ASIC2: variants seen among roughly 807,000 people sequenced by gnomAD.
ASIC2 encodes acid sensing ion channel subunit 2, also known as acid-sensing ion channel 2.
Under a neutral mutation model 57.3 loss-of-function variants are expected in ASIC2, and 25 were observed. The ratio of observed to expected loss-of-function variants is 0.44; its 90% confidence interval spans 0.32 to 0.61. ASIC2 has a LOEUF of 0.61. Among genes scored for constraint, ASIC2 ranks in the 20% least tolerant of loss-of-function variants. ASIC2 has a pLI of 0.06. For missense variants in ASIC2, 641 were observed against 738.1 expected, an observed-to-expected ratio of 0.87 and a Z score of 1.52; for synonymous variants, 319 against 307.5, an observed-to-expected ratio of 1.04 and a Z score of -0.39.
chr17:33,537,189 G>A (rs777838426), intron 1 of ASIC2, among the ~76,000 whole-genome samples: 18 of 152,120 alleles, frequency 1.2e-4, no homozygotes, highest in African/African-American at 2.9e-4. Context: ...CTCACTCATC[G>A]GTCTGCAGCT....
At chr17:33,825,885 TA>T (rs1407691023) in intron 1 of ASIC2, among the ~76,000 whole-genome samples, 29 of 152,248 alleles carry the variant, frequency 1.9e-4, no homozygotes, top group Non-Finnish European at 4.0e-4. Context: ...AAATTTTAGT[TA>T]TTTTTTCTAC....
At chr17:34,073,118 T>C (rs546382101) in intron 1 of ASIC2, among the ~76,000 whole-genome samples, 7 of 152,286 alleles carry the variant, frequency 4.6e-5, no homozygotes, top group African/African-American at 1.2e-4. Context: ...TGATTTAAAA[T>C]AGGGGTCAGG....
chr17:34,091,809 G>A (rs1344263968), intron 1 of ASIC2, among the ~76,000 whole-genome samples: 1 of 152,182 alleles, frequency 6.6e-6, no homozygotes, highest in Non-Finnish European at 1.5e-5. Context: ...TAAAGAGTAT[G>A]TACAGGCTTT....
chr17:33,121,450 T>C (rs2092301781), intron 1 of ASIC2, among the ~76,000 whole-genome samples: 1 of 151,956 alleles, frequency 6.6e-6, no homozygotes, highest in South Asian at 2.1e-4. Flanking sequence ...TTTCGGGGCA[T>C]GGAGAAGTGT....
At chr17:33,019,164 G>C (rs1372888750) in intron 7 of ASIC2, among the ~76,000 whole-genome samples, 1 of 152,130 alleles carries the variant, frequency 6.6e-6, no homozygotes, top group Non-Finnish European at 1.5e-5. Flanking sequence ...TGAGTCTGTA[G>C]TGGTATAGTG....
intron 1 of ASIC2, among the ~76,000 whole-genome samples, chr17:34,124,725 GGCT>G (rs1911726310): frequency 2.0e-5 from 3 of 152,256 alleles, no homozygotes; most frequent in Non-Finnish European, 2.9e-5. Context: ...GTTTATACGT[GGCT>G]GCTTTCTTGT....
At chr17:33,106,039 A>G (rs574288017) in intron 2 of ASIC2, among the ~76,000 whole-genome samples, 4 of 152,312 alleles carry the variant, frequency 2.6e-5, no homozygotes, top group African/African-American at 9.6e-5. Flanking sequence ...TGAGAAGGTA[A>G]TATCTGAGTG....
At chr17:34,107,774 T>A (rs1437230882) in intron 1 of ASIC2, among the ~76,000 whole-genome samples, 1 of 152,182 alleles carries the variant, frequency 6.6e-6, no homozygotes, top group Non-Finnish European at 1.5e-5. Flanking sequence ...TATAATTAGG[T>A]TCATTTGTCA....
intron 1 of ASIC2, among the ~76,000 whole-genome samples, chr17:33,501,452 C>T (rs1914098301): frequency 6.6e-6 from 1 of 152,222 alleles, no homozygotes; most frequent in Non-Finnish European, 1.5e-5. Context: ...GTTTTTACTC[C>T]TGTAAACACT....
At chr17:34,037,359 A>T (rs1907929257) in intron 1 of ASIC2, 1 of 373,856 alleles carries the variant, frequency 2.7e-6, no homozygotes, top group Non-Finnish European at 4.8e-6. Flanking sequence ...TTCCTCACTC[A>T]GAGCAGCCAC....
intron 1 of ASIC2, among the ~76,000 whole-genome samples, chr17:33,708,728 C>A (rs1257468558): frequency 1.3e-5 from 2 of 152,100 alleles, no homozygotes; most frequent in African/African-American, 4.8e-5. Context: ...CTGCACCAAC[C>A]ATCTCCTCCC....
chr17:33,858,254 A>T (rs1443187491), intron 1 of ASIC2, among the ~76,000 whole-genome samples: 5 of 152,190 alleles, frequency 3.3e-5, no homozygotes, highest in Non-Finnish European at 7.3e-5. Context: ...CCAACCTGTG[A>T]GGGAGGTAAA....
chr17:33,754,082 G>T (rs2142106969), intron 1 of ASIC2, among the ~76,000 whole-genome samples: 1 of 152,162 alleles, frequency 6.6e-6, no homozygotes, highest in East Asian at 1.9e-4. Flanking sequence ...GGGTGGGAAG[G>T]GGTACTGATT....
At chr17:33,098,979 AT>A (rs749535652) in intron 2 of ASIC2, among the ~76,000 whole-genome samples, 254 of 132,164 alleles carry the variant, frequency 1.9e-3, no homozygotes, top group South Asian at 0.012. Context: ...TAAACAAAAA[AT>A]ATATATATAA....
intron 1 of ASIC2, among the ~76,000 whole-genome samples, chr17:33,966,768 A>G (rs114715921): frequency 0.011 from 1,728 of 152,328 alleles, 17 homozygotes; most frequent in African/African-American, 0.031. Flanking sequence ...CAAAGCTCTC[A>G]GCTTCACTTG....
chr17:33,274,833 G>A (rs1282576483), intron 1 of ASIC2, among the ~76,000 whole-genome samples: 1 of 152,216 alleles, frequency 6.6e-6, no homozygotes, highest in Non-Finnish European at 1.5e-5. Flanking sequence ...GGTTGTCCAG[G>A]AATTAGTGGT....
intron 1 of ASIC2, among the ~76,000 whole-genome samples, chr17:33,874,254 C>A (rs1914497290): frequency 6.6e-6 from 1 of 152,124 alleles, no homozygotes; most frequent in Admixed American, 6.6e-5. Context: ...TTGGAGCTGA[C>A]CATACGAGCA....
intron 1 of ASIC2, among the ~76,000 whole-genome samples, chr17:33,524,405 G>A (rs1464981918): frequency 1.3e-5 from 2 of 152,156 alleles, no homozygotes; most frequent in South Asian, 4.1e-4. Flanking sequence ...AACCAGAAGT[G>A]GGAGCTTGGT....
At chr17:33,245,066 T>C (rs62067898) in intron 1 of ASIC2, among the ~76,000 whole-genome samples, 17,742 of 152,276 alleles carry the variant, frequency 0.12, 1,214 homozygotes, top group Non-Finnish European at 0.17. Flanking sequence ...ATAATTATAC[T>C]AATATAGATC....
Sources: allele counts gnomAD v4.1 joint callset (sites outside exome capture counted in the v4.1 genomes callset), GRCh38; gene constraint gnomAD v4.1.1; transcripts MANE v1.5; gene names NCBI Gene and HGNC (gene_info 2026-07-23, HGNC 2026-07-21).